Variants in ADCY9 observed in about 807,000 individuals in gnomAD.
The protein encoded by ADCY9 is adenylate cyclase type 9.
ADCY9 carries 50 observed loss-of-function variants against 101.5 expected under a neutral mutation model. That is an observed-to-expected ratio of 0.49 (90% CI 0.39 to 0.62). The LOEUF is 0.62. Ranked by LOEUF, ADCY9 falls within the 20% of genes least tolerant of loss-of-function variation. The probability of loss-of-function intolerance (pLI) is 0.00; values close to 1 mark genes in which losing one functional copy is unlikely to be tolerated. For synonymous variants in ADCY9, 905 were observed against 769.3 expected, an observed-to-expected ratio of 1.18 and a Z score of -2.92; for missense variants, 1,662 against 1,800.4, an observed-to-expected ratio of 0.92 and a Z score of 1.39.
chr16:3,957,877 G>C (rs1173637516), downstream of ADCY9, among the ~76,000 whole-genome samples: 1 of 152,130 alleles, frequency 6.6e-6, no homozygotes, highest in African/African-American at 2.4e-5. Context: ...GTTATCCCAG[G>C]ATCACACGCA....
chr16:3,987,020 G>C (rs933854203), intron 6 of ADCY9, among the ~76,000 whole-genome samples: 1 of 152,204 alleles, frequency 6.6e-6, no homozygotes, highest in African/African-American at 2.4e-5. Flanking sequence ...CCCCGGATGC[G>C]CCTGCAACTC....
intron 6 of ADCY9, among the ~76,000 whole-genome samples, chr16:3,985,853 C>CAT (rs2056187954): frequency 6.6e-6 from 1 of 152,198 alleles, no homozygotes; most frequent in Non-Finnish European, 1.5e-5. Context: ...CCACCCCTGG[C>CAT]CCTGATGCCA....
At position 3,977,497 on chromosome 16, in the gene ADCY9, G is replaced by T. The variant is rs1347599961; in HGVS notation, c.2813C>A (p.Ser938Tyr). 1.3e-6 allele frequency: 2 copies of T among 1,569,418 alleles called. No individual in the cohort carries two copies. The highest frequency in any genetic ancestry group is 1.7e-4 in the Middle Eastern group (1 of 5,862). The change falls in exon 9 of 11, where the codon TCC (serine) becomes TAC (tyrosine). Residue 938 changes from serine (S) to tyrosine (Y), a missense_variant. Coordinates refer to ENST00000294016, the MANE Select transcript of ADCY9 (RefSeq NM_001116.4). ...GGCCGCGTACCTGTCTGGGCACAGG[G>T]AGACGTAGAGCAGGAGCAGCGGCCC... ...GAGPLLLLYVSLCPDSSVLTS... is the reference protein window; with the variant it reads ...GAGPLLLLYVYLCPDSSVLTS...
chr16:4,110,431 C>T (rs2057106848), intron 2 of ADCY9, among the ~76,000 whole-genome samples: 1 of 147,020 alleles, frequency 6.8e-6, no homozygotes, highest in Non-Finnish European at 1.5e-5. Context: ...GGCTGTCGCC[C>T]AGGCTGGAGT....
Position 4,007,350 on chromosome 16 carries a change from A to C in ADCY9, c.1884+18T>G, listed in dbSNP as rs1389676031. 6.6e-7 allele frequency: 1 copy of C among 1,516,444 alleles called. No homozygotes were observed. Among genetic ancestry groups the C allele is most frequent in the African/African-American group, 1.4e-5 (1 of 71,228 alleles). 93.9% of individuals were successfully genotyped at this position (1,516,444 alleles called of 1,614,324 possible). ...TAGAAAGTTTTAGAAGTAGGAAAAAAAAAACAAAAAAACTAACCTTAAGGT... is the reference window on the plus strand; with the variant it reads ...TAGAAAGTTTTAGAAGTAGGAAAAACAAAACAAAAAAACTAACCTTAAGGT... On this transcript the variant is annotated intron_variant, in intron 3 of 10. Coordinates refer to ENST00000294016, the MANE Select transcript of ADCY9 (RefSeq NM_001116.4).
intron 2 of ADCY9, among the ~76,000 whole-genome samples, chr16:4,055,099 C>CA (rs2056728448): frequency 6.6e-6 from 1 of 152,146 alleles, no homozygotes; most frequent in African/African-American, 2.4e-5. Flanking sequence ...ACAAGGCAGA[C>CA]AGAGGCAGAG....
chr16:4,065,056 A>C (rs1239672387), intron 2 of ADCY9, among the ~76,000 whole-genome samples: 1 of 152,156 alleles, frequency 6.6e-6, no homozygotes, highest in Non-Finnish European at 1.5e-5. Context: ...TACGTCCATC[A>C]CCAGGCTTCA....
At chr16:4,054,861 C>A (rs1164712735) in intron 2 of ADCY9, among the ~76,000 whole-genome samples, 1 of 152,086 alleles carries the variant, frequency 6.6e-6, no homozygotes, top group African/African-American at 2.4e-5. Context: ...GCCACTGTGC[C>A]CAGCCGAAAT....
At chr16:4,061,019 A>G (rs1156613282) in intron 2 of ADCY9, among the ~76,000 whole-genome samples, 2 of 152,140 alleles carry the variant, frequency 1.3e-5, no homozygotes, top group Admixed American at 6.5e-5. Context: ...ACTAATAAAG[A>G]GACAGAAATT....
chr16:3,981,036 G>A (rs928869516), intron 7 of ADCY9, among the ~76,000 whole-genome samples: 2 of 152,226 alleles, frequency 1.3e-5, no homozygotes, highest in Non-Finnish European at 2.9e-5. Context: ...ACCCCACAGC[G>A]CAGGTTCCCG....
chr16:4,109,602 A>C (rs753008628), intron 2 of ADCY9, among the ~76,000 whole-genome samples: 4 of 152,100 alleles, frequency 2.6e-5, no homozygotes, highest in Non-Finnish European at 5.9e-5. Flanking sequence ...CAGAAACTTA[A>C]AATGCCATTT....
At chr16:4,051,326 C>T (rs977692013) in intron 2 of ADCY9, among the ~76,000 whole-genome samples, 3 of 151,360 alleles carry the variant, frequency 2.0e-5, no homozygotes, top group African/African-American at 7.3e-5. Context: ...GGGATTGAGA[C>T]CATCCTGGTT....
intron 2 of ADCY9, among the ~76,000 whole-genome samples, chr16:4,054,968 A>T (rs2056727467): frequency 6.6e-6 from 1 of 152,202 alleles, no homozygotes. Flanking sequence ...ACATCAGTAG[A>T]TCATGAAACC....
intron 3 of ADCY9, among the ~76,000 whole-genome samples, chr16:4,005,383 A>G (rs754834892): frequency 1.4e-4 from 21 of 152,096 alleles, no homozygotes; most frequent in Non-Finnish European, 2.5e-4. Flanking sequence ...CAGGCCACCA[A>G]GCCCAGTTAA....
chr16:4,035,843 T>C (rs1457970707), intron 2 of ADCY9, among the ~76,000 whole-genome samples: 3 of 151,618 alleles, frequency 2.0e-5, no homozygotes, highest in Admixed American at 6.6e-5. Context: ...CTACTAAAAA[T>C]ACAAAATTAG....
At position 3,964,421 on chromosome 16, in the gene ADCY9, C is replaced by T. The variant is rs973771297; in HGVS notation, c.*1354G>A. 1 of 152,350 alleles carries T rather than the reference C, an allele frequency of 6.6e-6. No homozygotes were observed. The highest frequency in any genetic ancestry group is 1.5e-5 in the Non-Finnish European group (1 of 68,144). 9.4% of individuals were successfully genotyped at this position (152,350 alleles called of 1,614,324 possible). Reference sequence around the variant, plus strand: ...TCGGGATTCCGCCCCTAACAAACCCCGCGTTTGCATCCAGATGCCTCTGTC... The same window carrying T: ...TCGGGATTCCGCCCCTAACAAACCCTGCGTTTGCATCCAGATGCCTCTGTC... On this transcript the variant is annotated 3_prime_UTR_variant, in exon 11 of 11. Transcript: ENST00000294016.
At position 4,055,253 on chromosome 16, in the gene ADCY9, T is replaced by G. The variant is rs994291607; in HGVS notation, c.1694-47695A>C. On this transcript the variant is annotated intron_variant, in intron 2 of 10. Coordinates refer to ENST00000294016, the MANE Select transcript of ADCY9 (RefSeq NM_001116.4). The stretch of plus-strand genomic sequence containing the variant: ...AAGCCTTTTTAGATGTCTTTTGGGG[T>G]CAGGCGTGGTGGCTTACACCTGTAA... Among the ~76,000 whole-genome samples, 10 of 152,044 alleles carry G rather than the reference T, an allele frequency of 6.6e-5. 1 individual carries two copies. Among genetic ancestry groups the G allele is most frequent in the African/African-American group, 2.4e-4 (10 of 41,398 alleles).
chr16:3,966,790 A>C lies in ADCY9; in HGVS notation c.3047T>G (p.Leu1016Arg), dbSNP rs1208276083. The change falls in exon 11 of 11, where the codon CTT becomes CGT. Residue 1016 changes from leucine (L) to arginine (R), a missense_variant. By Grantham distance (102) the Leu-to-Arg change is moderately radical. Coordinates refer to ENST00000294016, the MANE Select transcript of ADCY9 (RefSeq NM_001116.4). ...CATGCTCTGGATCTTGGTGCGGTGA[A>C]GATCCGCTTCCACGTCTCCGTGGTA... ...LHYHGDVEAD[L>R]HRTKIQSMRD... 6 of 1,614,220 alleles carry C rather than the reference A, an allele frequency of 3.7e-6. No individual in the cohort carries two copies.
Position 4,014,474 on chromosome 16 carries a change from G to C in ADCY9, c.1694-6916C>G, listed in dbSNP as rs191205092. Among the ~76,000 whole-genome samples the C allele has an allele frequency of 7.3e-3, 1,114 of 151,800 alleles. 8 individuals carry two copies. Among genetic ancestry groups the C allele is most frequent in the Non-Finnish European group, 0.013 (896 of 67,924 alleles). On this transcript the variant is annotated intron_variant, in intron 2 of 10. Transcript: ENST00000294016. The stretch of plus-strand genomic sequence containing the variant: ...TTTTTTTGTTTTTTTTTGAGACAGA[G>C]TCTTGCTCTGTTGCCCAGGCTGGAG...
Sources: allele counts gnomAD v4.1 joint callset (sites outside exome capture counted in the v4.1 genomes callset), GRCh38; gene constraint gnomAD v4.1.1; transcripts MANE v1.5; gene names NCBI Gene and HGNC (gene_info 2026-07-23, HGNC 2026-07-21).